Variants in LANCL2 observed in about 807,000 individuals in gnomAD.
LANCL2 encodes lanC-like protein 2.
In LANCL2, 33 loss-of-function variants were observed where a neutral mutation model predicts 56.9. That is an observed-to-expected ratio of 0.58 (90% CI 0.44 to 0.78). The LOEUF (loss-of-function observed/expected upper bound fraction) is 0.78, where lower values mean the gene tolerates loss of function less well. Ranked by LOEUF, LANCL2 falls within the 30% of genes least tolerant of loss-of-function variation. The pLI is 0.00. For missense variants in LANCL2, 562 were observed against 580.2 expected (o/e 0.97, Z 0.32); for synonymous variants, 233 against 228.2 (o/e 1.02, Z -0.19).
At chr7:55,393,949 A>G (rs759526204) in intron 2 of LANCL2, 1 of 152,230 alleles carries the variant, frequency 6.6e-6, no homozygotes, top group Non-Finnish European at 1.5e-5. Flanking sequence ...GGTTTCCCCT[A>G]ACAAGCCTTT....
In LANCL2 at chr7:55,433,485, CG is replaced by C. The variant is rs1363267877; in HGVS notation, c.*2168del. On this transcript the variant is annotated 3_prime_UTR_variant, in exon 9 of 9. Coordinates refer to ENST00000254770, the MANE Select transcript of LANCL2 (RefSeq NM_018697.4). ...TCGGTCCCTCCAGGCAAAGGAGAAA[CG>C]GGACTTACTTCACAGGACAGAGGAT... The C allele has an allele frequency of 2.7e-4, 41 of 152,082 alleles. No individual in the cohort carries two copies. Among genetic ancestry groups the C allele is most frequent in the African/African-American group, 8.9e-4 (37 of 41,410 alleles). 9.4% of individuals were successfully genotyped at this position (152,082 alleles called of 1,614,324 possible).
intron 1 of LANCL2, among the ~76,000 whole-genome samples, chr7:55,383,183 A>C (rs1221696509): frequency 6.6e-6 from 1 of 152,208 alleles, no homozygotes; most frequent in Admixed American, 6.5e-5. Flanking sequence ...GCTGATATAG[A>C]TAACATGACA....
In LANCL2 at chr7:55,431,386, C is replaced by T. The variant is rs75177017; in HGVS notation, c.*66C>T. ...AGCCACCAGATTGCTTAGTGCCTGA[C>T]ACAGAAACAACTGGGAATCCTGAAA... is the stretch of plus-strand genomic sequence containing the variant. On this transcript the variant is annotated 3_prime_UTR_variant, in exon 9 of 9. Coordinates refer to ENST00000254770, the MANE Select transcript of LANCL2 (RefSeq NM_018697.4). The T allele has an allele frequency of 9.1e-7, 1 of 1,097,920 alleles. No individual in the cohort carries two copies. The highest frequency in any genetic ancestry group is 1.6e-5 in the African/African-American group (1 of 63,916). The allele number at this position is 1,097,920 out of a possible 1,614,324, so 68.0% of individuals were successfully genotyped here.
chr7:55,415,621 C>CTTTTTTTTTTT (rs71031852), intron 6 of LANCL2, among the ~76,000 whole-genome samples: 5 of 111,794 alleles, frequency 4.5e-5, no homozygotes, highest in South Asian at 3.0e-4. Flanking sequence ...GTTTTTCTTT[C>CTTTTTTTTTTT]TTTTTTTTGA....
At chr7:55,385,677 G>A (rs1347994966) in intron 1 of LANCL2, among the ~76,000 whole-genome samples, 5 of 152,212 alleles carry the variant, frequency 3.3e-5, no homozygotes, top group African/African-American at 1.2e-4. Flanking sequence ...CAGGACCACA[G>A]GATGGAGGCG....
At chr7:55,424,080 C>T (rs1344988075) in intron 6 of LANCL2, among the ~76,000 whole-genome samples, 1 of 152,122 alleles carries the variant, frequency 6.6e-6, no homozygotes, top group East Asian at 1.9e-4. Context: ...ACCTGCCACC[C>T]AAGTAGTGAT....
At chr7:55,400,236 A>C in intron 4 of LANCL2, 132 bp downstream of exon 4, 1 of 652,618 alleles carries the variant, frequency 1.5e-6, no homozygotes, top group Non-Finnish European at 2.3e-6. Flanking sequence ...AAAAGTAAGA[A>C]ATAGTCCCTG....
Position 55,425,409 on chromosome 7 carries a change from G to A in LANCL2, c.1164G>A (p.Lys388=), listed in dbSNP as rs1790654021. ...TTTACCGTCTCACGCAGGATAAGAA[G>A]TACCTCTACCGAGCTTGCAAGGTGA... ...LSLYRLTQDK[K]YLYRACKFAE... is the part of the protein sequence containing the mutation. Residue 388 remains lysine (K), a synonymous_variant, in exon 7 of 9, where the codon AAG becomes AAA. Transcript: ENST00000254770. 1 of 1,613,918 alleles carries A rather than the reference G, an allele frequency of 6.2e-7. No homozygotes were observed. The highest frequency in any genetic ancestry group is 1.1e-5 in the South Asian group (1 of 91,076).
In LANCL2 at chr7:55,365,755, C is replaced by G. The variant is rs1789851505; in HGVS notation, c.-271C>G. ...CAGGCTGTGAGCCGCTGGGCGCTCCCGCGAGCCCGCTCCTCTCCGTCGGGA... is the reference window on the plus strand; with the variant it reads ...CAGGCTGTGAGCCGCTGGGCGCTCCGGCGAGCCCGCTCCTCTCCGTCGGGA... On this transcript the variant is annotated 5_prime_UTR_variant, in exon 1 of 9. Transcript: ENST00000254770. 3.0e-6 allele frequency: 1 copy of G among 337,706 alleles called. No individual in the cohort carries two copies. Among genetic ancestry groups the G allele is most frequent in the Non-Finnish European group, 5.4e-6 (1 of 186,464 alleles). 20.9% of individuals were successfully genotyped at this position (337,706 alleles called of 1,614,324 possible). A position where few individuals can be genotyped will look rare whatever the true frequency, so the allele number is the denominator to read the frequency against.
At chr7:55,400,995 G>A (rs1023558968) in intron 4 of LANCL2, among the ~76,000 whole-genome samples, 179 bp from the exon 5 acceptor site, 2 of 152,040 alleles carry the variant, frequency 1.3e-5, no homozygotes, top group African/African-American at 4.8e-5. Context: ...CTTTTTGCCT[G>A]CATTTATTAA....
rs550121436 is a variant in LANCL2, at chr7:55,402,884, G to A, written c.825+1564G>A. The stretch of plus-strand genomic sequence containing the variant: ...GCTCCCCACATCTCAGACGATGGGC[G>A]GCCTGGCAGAGACGCTCCTCACTTC... On this transcript the variant is annotated intron_variant, in intron 5 of 8. Coordinates refer to ENST00000254770, the MANE Select transcript of LANCL2 (RefSeq NM_018697.4). 5.3e-4 allele frequency among the ~76,000 whole-genome samples: 80 copies of A among 150,758 alleles called. No homozygotes were observed. In the East Asian group the frequency reaches 0.013, roughly 25 times the overall value.
chr7:55,389,654 G>A (rs577226212), intron 1 of LANCL2, among the ~76,000 whole-genome samples: 3 of 151,938 alleles, frequency 2.0e-5, no homozygotes, highest in African/African-American at 7.3e-5. Context: ...TAACCAGTGG[G>A]CAGTTCCCGG....
intron 1 of LANCL2, among the ~76,000 whole-genome samples, chr7:55,376,055 C>G (rs1423491534): frequency 6.6e-6 from 1 of 152,136 alleles, no homozygotes; most frequent in African/African-American, 2.4e-5. Flanking sequence ...AATCCAGCAT[C>G]CTCTCCCTAT....
intron 5 of LANCL2, among the ~76,000 whole-genome samples, chr7:55,402,804 G>A (rs1790355806): frequency 7.6e-6 from 1 of 131,004 alleles, no homozygotes; most frequent in African/African-American, 3.0e-5. Context: ...TTCTCAGACG[G>A]GGCGGCCGGG....
At position 55,401,262 on chromosome 7, in the gene LANCL2, G is replaced by A. The variant is rs140738512; in HGVS notation, c.767G>A (p.Arg256Gln). The A allele has an allele frequency of 5.5e-5, 89 of 1,614,098 alleles. No individual in the cohort carries two copies. The highest frequency in any genetic ancestry group is 6.9e-5 in the Non-Finnish European group (81 of 1,179,970). ...TGCCCGCTGTTGTACCAGTGGCACCGGAAGCAGTACGTTGGAGCAGCCCAT... is the reference window on the plus strand; with the variant it reads ...TGCCCGCTGTTGTACCAGTGGCACCAGAAGCAGTACGTTGGAGCAGCCCAT... ...ERCPLLYQWH[R>Q]KQYVGAAHGM... Residue 256 changes from arginine (R) to glutamine (Q), a missense_variant, in exon 5 of 9, where the codon CGG becomes CAG. Coordinates refer to ENST00000254770, the MANE Select transcript of LANCL2 (RefSeq NM_018697.4).
At chr7:55,414,370 C>G (rs1790503706) in intron 6 of LANCL2, among the ~76,000 whole-genome samples, 1 of 152,144 alleles carries the variant, frequency 6.6e-6, no homozygotes, top group Non-Finnish European at 1.5e-5. Flanking sequence ...TTTATTAAAG[C>G]TGTCTCTTAA....
intron 2 of LANCL2, among the ~76,000 whole-genome samples, chr7:55,396,044 G>A (rs554050067): frequency 6.6e-6 from 1 of 152,218 alleles, no homozygotes; most frequent in Non-Finnish European, 1.5e-5. Flanking sequence ...TCTAAACATA[G>A]ATATAGAAAA....
chr7:55,419,979 C>G (rs1196368565), intron 6 of LANCL2, among the ~76,000 whole-genome samples: 1 of 152,022 alleles, frequency 6.6e-6, no homozygotes, highest in East Asian at 1.9e-4. Flanking sequence ...ATAGTGAGAC[C>G]TCATCTCTAC....
At chr7:55,383,844 A>C (rs1035912418) in intron 1 of LANCL2, among the ~76,000 whole-genome samples, 1 of 152,050 alleles carries the variant, frequency 6.6e-6, no homozygotes, top group African/African-American at 2.4e-5. Context: ...CTCTCTCTAT[A>C]TATATATGTG....
Sources: allele counts gnomAD v4.1 joint callset (sites outside exome capture counted in the v4.1 genomes callset), GRCh38; gene constraint gnomAD v4.1.1; transcripts MANE v1.5; gene names NCBI Gene and HGNC (gene_info 2026-07-23, HGNC 2026-07-21).